Variants in EPHA3 observed in about 807,000 individuals in gnomAD.
EPHA3 encodes ephrin type-A receptor 3.
EPHA3 carries 42 observed loss-of-function variants against 107.1 expected under a neutral mutation model. The observed-to-expected ratio is 0.39, with a 90% CI of 0.31 to 0.51. The LOEUF is 0.51. EPHA3 is among the 20% of genes least tolerant of loss of function. The pLI is 0.78. For missense variants in EPHA3, 1,183 were observed against 1,211.2 expected (o/e 0.98, Z 0.35); for synonymous variants, 461 against 424.8 (o/e 1.09, Z -1.05).
intron 3 of EPHA3, among the ~76,000 whole-genome samples, chr3:89,299,226 C>G (rs1225552505): frequency 6.6e-6 from 1 of 151,952 alleles, no homozygotes; most frequent in African/African-American, 2.4e-5. Flanking sequence ...GACAAGGAAG[C>G]AAATACTAGA....
chr3:89,129,977 A>G (rs1413560426), intron 2 of EPHA3, among the ~76,000 whole-genome samples: 1 of 152,216 alleles, frequency 6.6e-6, no homozygotes, highest in Non-Finnish European at 1.5e-5. Flanking sequence ...AAAAATCATA[A>G]TAACAATATT....
intron 3 of EPHA3, among the ~76,000 whole-genome samples, chr3:89,245,507 T>C (rs9883541): frequency 0.21 from 32,662 of 152,150 alleles, 3,858 homozygotes; most frequent in Non-Finnish European, 0.27. Context: ...CCTTGCCAAA[T>C]AAGTTATTTT....
intron 2 of EPHA3, among the ~76,000 whole-genome samples, chr3:89,163,644 ATCTTAACTACAC>A (rs1198814581): frequency 1.6e-4 from 24 of 152,302 alleles, no homozygotes; most frequent in African/African-American, 5.8e-4. Flanking sequence ...AGTTGTGAGT[ATCTTAACTACAC>A]ACCTGGGAAA....
At chr3:89,402,113 A>G (rs183699949) in intron 7 of EPHA3, among the ~76,000 whole-genome samples, 1 of 152,324 alleles carries the variant, frequency 6.6e-6, no homozygotes, top group Admixed American at 6.5e-5. Context: ...CTCTCTGATA[A>G]GTAAATTTGC....
intron 15 of EPHA3, among the ~76,000 whole-genome samples, chr3:89,471,935 TG>T: frequency 6.6e-6 from 1 of 152,276 alleles, no homozygotes; most frequent in Non-Finnish European, 1.5e-5. Context: ...TTTAATGACA[TG>T]CAGCATTATT....
chr3:89,370,099 C>A (rs997155883), intron 5 of EPHA3, among the ~76,000 whole-genome samples: 6 of 150,556 alleles, frequency 4.0e-5, no homozygotes, highest in East Asian at 1.9e-4. Flanking sequence ...GTCAGTGTGG[C>A]GATTCCTCAG....
At chr3:89,413,100 A>G (rs1709185030) in intron 9 of EPHA3, 41 bp from the exon 10 acceptor site, 1 of 1,608,006 alleles carries the variant, frequency 6.2e-7, no homozygotes, top group African/African-American at 1.3e-5. Context: ...TGTTTGTACA[A>G]ATCTAGCTAC....
chr3:89,119,508 A>G (rs1707331205), intron 1 of EPHA3, among the ~76,000 whole-genome samples: 1 of 152,094 alleles, frequency 6.6e-6, no homozygotes, highest in South Asian at 2.1e-4. Flanking sequence ...TCCTTTGGGG[A>G]CCATTATAAA....
At chr3:89,258,155 T>C (rs1422955480) in intron 3 of EPHA3, among the ~76,000 whole-genome samples, 1 of 152,106 alleles carries the variant, frequency 6.6e-6, no homozygotes, top group African/African-American at 2.4e-5. Flanking sequence ...CAGGAGGAAA[T>C]AATCAGACAA....
At chr3:89,307,702 C>T (rs1576302374) in intron 3 of EPHA3, among the ~76,000 whole-genome samples, 1 of 152,068 alleles carries the variant, frequency 6.6e-6, no homozygotes. Context: ...CAGGCATGCA[C>T]CACCATACCT....
At chr3:89,244,075 T>C (rs996086299) in intron 3 of EPHA3, among the ~76,000 whole-genome samples, 1 of 152,148 alleles carries the variant, frequency 6.6e-6, no homozygotes. Flanking sequence ...TTTAAAAATA[T>C]GAAAATATGG....
intron 9 of EPHA3, among the ~76,000 whole-genome samples, chr3:89,408,932 TG>T (rs1709106295): frequency 6.6e-6 from 1 of 152,104 alleles, no homozygotes; most frequent in African/African-American, 2.4e-5. Context: ...TATTCACTAT[TG>T]CCTTCTAAAA....
At chr3:89,221,231 C>A (rs149481985) in intron 3 of EPHA3, among the ~76,000 whole-genome samples, 6 of 152,146 alleles carry the variant, frequency 3.9e-5, no homozygotes, top group African/African-American at 1.2e-4. Context: ...TTATTCAATA[C>A]TTTTCATTGT....
chr3:89,231,150 T>C (rs1389931547), intron 3 of EPHA3, among the ~76,000 whole-genome samples: 1 of 152,112 alleles, frequency 6.6e-6, no homozygotes, highest in Non-Finnish European at 1.5e-5. Context: ...ATAGGATAAG[T>C]TTATTGACAC....
chr3:89,452,714 A>T (rs1710018774), intron 15 of EPHA3, among the ~76,000 whole-genome samples: 1 of 151,978 alleles, frequency 6.6e-6, no homozygotes, highest in Admixed American at 6.6e-5. Context: ...CCTCCTGTTT[A>T]ATTTGGCTTT....
intron 5 of EPHA3, among the ~76,000 whole-genome samples, chr3:89,372,617 G>A (rs1708329577): frequency 1.3e-5 from 2 of 151,728 alleles, no homozygotes; most frequent in South Asian, 4.1e-4. Flanking sequence ...ATTAACAAGT[G>A]AGCACAGTTC....
rs1384351329 is a variant in EPHA3 at position 89,403,590 on chromosome 3, A to AAG, written c.1595-3678_1595-3677dup. On this transcript the variant is annotated intron_variant, in intron 7 of 16. Coordinates refer to ENST00000336596, the MANE Select transcript of EPHA3 (RefSeq NM_005233.6). ...TGAAGGTAGCTTCCACCAATACAAG[A>AAG]AGTACAGACATTAGGGCATGTTTGG... Among the ~76,000 whole-genome samples the AAG allele has an allele frequency of 3.9e-5, 6 of 152,204 alleles. No homozygotes were observed. The East Asian group carries it at 1.2e-3, about 29-fold the overall frequency.
intron 3 of EPHA3, among the ~76,000 whole-genome samples, chr3:89,281,076 C>T (rs761471399): frequency 7.3e-5 from 11 of 151,316 alleles, no homozygotes; most frequent in Admixed American, 2.0e-4. Context: ...CAGGCTGGAG[C>T]GCAGTGGTGC....
intron 2 of EPHA3, among the ~76,000 whole-genome samples, chr3:89,153,444 T>C (rs555061698): frequency 6.6e-6 from 1 of 152,178 alleles, no homozygotes; most frequent in African/African-American, 2.4e-5. Flanking sequence ...CTCTTTTTCT[T>C]TGAGCCCACC....
Sources: allele counts gnomAD v4.1 joint callset (sites outside exome capture counted in the v4.1 genomes callset), GRCh38; gene constraint gnomAD v4.1.1; transcripts MANE v1.5; gene names NCBI Gene and HGNC (gene_info 2026-07-23, HGNC 2026-07-21).